Variants in TRIM5 observed in about 807,000 individuals in gnomAD.
TRIM5 encodes the protein tripartite motif-containing protein 5.
In TRIM5, 31 loss-of-function variants were observed where a neutral mutation model predicts 35.6. The observed-to-expected ratio is 0.87, with a 90% CI of 0.65 to 1.18. The LOEUF (loss-of-function observed/expected upper bound fraction) is 1.18. Among genes scored for constraint, TRIM5 ranks in the 50% most tolerant of loss-of-function variants. TRIM5 has a pLI of 0.00. For missense variants in TRIM5, 609 were observed against 591.6 expected, an observed-to-expected ratio of 1.03 and a Z score of -0.31; for synonymous variants, 243 against 215.6, an observed-to-expected ratio of 1.13 and a Z score of -1.11.
intron 1 of TRIM5, among the ~76,000 whole-genome samples, chr11:5,682,750 G>A (rs1590288677): frequency 6.6e-6 from 1 of 152,344 alleles, no homozygotes; most frequent in East Asian, 1.9e-4. Context: ...ACCATTTTGT[G>A]TGCCTGGGTT....
At chr11:5,608,480 CAG>C in the TRIM5 span, 6 of 1,585,356 alleles carry the variant, frequency 3.8e-6, no homozygotes, top group Admixed American at 1.1e-4. Flanking sequence ...GAAGAAGAAT[CAG>C]AGTGGGGAAG....
chr11:5,635,428 T>A, the TRIM5 span, among the ~76,000 whole-genome samples: 1 of 151,970 alleles, frequency 6.6e-6, no homozygotes, highest in South Asian at 2.1e-4. Flanking sequence ...CTAATTTTTT[T>A]TGTATTTTTA....
At chr11:5,657,501 T>C in the TRIM5 span, among the ~76,000 whole-genome samples, 1 of 137,922 alleles carries the variant, frequency 7.3e-6, no homozygotes, top group Non-Finnish European at 1.5e-5. Context: ...ATATATATAT[T>C]TATATATTAT....
downstream of TRIM5, among the ~76,000 whole-genome samples, chr11:5,661,022 A>C (rs181773518): frequency 3.4e-3 from 408 of 119,508 alleles, 1 homozygote; most frequent in African/African-American, 0.013. Flanking sequence ...AGCCTGGGCG[A>C]CAGAGAGAGA....
At chr11:5,666,554 G>C (rs1015843173) in intron 5 of TRIM5, among the ~76,000 whole-genome samples, 4 of 152,190 alleles carry the variant, frequency 2.6e-5, no homozygotes, top group Non-Finnish European at 5.9e-5. Context: ...CATATCAAGA[G>C]AGGAATCCTG....
chr11:5,678,046 C>A, intron 4 of TRIM5, 158 bp downstream of exon 4: 2 of 629,324 alleles, frequency 3.2e-6, no homozygotes, highest in Non-Finnish European at 5.1e-6. Context: ...TCTCTTGCTA[C>A]TTCTACATTC....
At chr11:5,634,873 C>G in the TRIM5 span, 187 of 1,608,378 alleles carry the variant, frequency 1.2e-4, 1 homozygote, top group African/African-American at 2.0e-3. Flanking sequence ...TAAGAAGGTT[C>G]GCTCAATCTG....
the TRIM5 span, among the ~76,000 whole-genome samples, chr11:5,627,316 G>T: frequency 2.6e-5 from 4 of 152,044 alleles, no homozygotes; most frequent in Non-Finnish European, 5.9e-5. Flanking sequence ...GCAAGCAGAG[G>T]TTGCAGTGAG....
the TRIM5 span, among the ~76,000 whole-genome samples, chr11:5,653,994 C>A: frequency 6.6e-6 from 1 of 152,040 alleles, no homozygotes; most frequent in Non-Finnish European, 1.5e-5. Flanking sequence ...TCACTTCTAA[C>A]ATTTCTGTTT....
At chr11:5,647,709 G>A in the TRIM5 span, among the ~76,000 whole-genome samples, 5 of 152,166 alleles carry the variant, frequency 3.3e-5, no homozygotes, top group Non-Finnish European at 5.9e-5. Flanking sequence ...TTTTAGTAAA[G>A]AGGGGATTTC....
downstream of TRIM5, chr11:5,663,120 G>T (rs1026462827): frequency 2.7e-5 from 15 of 553,856 alleles, no homozygotes; most frequent in Non-Finnish European, 3.3e-5. Flanking sequence ...GACAAACCCT[G>T]TCTCAAAACA....
At chr11:5,676,755 A>C (rs1246610836) in intron 4 of TRIM5, among the ~76,000 whole-genome samples, 6 of 150,386 alleles carry the variant, frequency 4.0e-5, no homozygotes, top group Non-Finnish European at 7.4e-5. Context: ...CAAAACAGAG[A>C]TATAGATCAA....
the TRIM5 span, among the ~76,000 whole-genome samples, chr11:5,621,731 A>T: frequency 6.6e-6 from 1 of 152,196 alleles, no homozygotes; most frequent in Non-Finnish European, 1.5e-5. Flanking sequence ...CCCTCTGCTC[A>T]CTGACATAAA....
At chr11:5,616,043 C>T in the TRIM5 span, among the ~76,000 whole-genome samples, 3 of 148,804 alleles carry the variant, frequency 2.0e-5, no homozygotes, top group Admixed American at 6.7e-5. Context: ...CTCCGCCTCC[C>T]GGGTTCACGC....
chr11:5,614,318 C>T, the TRIM5 span, among the ~76,000 whole-genome samples: 3 of 152,068 alleles, frequency 2.0e-5, no homozygotes, highest in African/African-American at 7.2e-5. Context: ...CTTGCTGTAC[C>T]CCAGAATGGT....
rs1181342316 is a variant in TRIM5, at chr11:5,664,656, TTA to T, written c.*151_*152del. On this transcript the variant is annotated 3_prime_UTR_variant, in exon 8 of 8. Coordinates refer to ENST00000380034, the MANE Select transcript of TRIM5 (RefSeq NM_033034.3). ...TTGGGGACAATATGGCACAAGGCAA[TTA>T]TTACATTTTACTGATGAGTGAAGGA... The T allele has an allele frequency of 2.3e-5, 32 of 1,392,614 alleles. No individual in the cohort carries two copies. Among genetic ancestry groups the T allele is most frequent in the Non-Finnish European group, 3.0e-5 (32 of 1,078,162 alleles). 86.3% of individuals were successfully genotyped at this position (1,392,614 alleles called of 1,614,324 possible).
chr11:5,678,432 A>T lies in TRIM5; in HGVS notation c.516T>A (p.Thr172=). 1.3e-6 allele frequency: 2 copies of T among 1,537,546 alleles called. No individual in the cohort carries two copies. Among genetic ancestry groups the T allele is most frequent in the Non-Finnish European group, 1.8e-6 (2 of 1,136,652 alleles). Residue 172 remains threonine (T), a splice_region_variant and synonymous_variant, in exon 4 of 8, where the codon ACT becomes ACA. Coordinates refer to ENST00000380034, the MANE Select transcript of TRIM5 (RefSeq NM_033034.3). ...DIREEKASWK[T]QIQYDKTNVL... ...CGTTGGTTTTGTCATACTGTATTTG[A>T]GTCTTCAGAGATAAGAGAAGAGAAA... is the stretch of plus-strand genomic sequence containing the variant.
At chr11:5,618,677 TTAATC>T in the TRIM5 span, among the ~76,000 whole-genome samples, 1 of 152,236 alleles carries the variant, frequency 6.6e-6, no homozygotes, top group Admixed American at 6.5e-5. Context: ...TGCATATTGA[TTAATC>T]TACTATAAAA....
chr11:5,594,198 C>T, the TRIM5 span, among the ~76,000 whole-genome samples: 1 of 152,198 alleles, frequency 6.6e-6, no homozygotes, highest in African/African-American at 2.4e-5. Context: ...TCAGAATGCC[C>T]AATCTCCCTG....
Sources: allele counts gnomAD v4.1 joint callset (sites outside exome capture counted in the v4.1 genomes callset), GRCh38; gene constraint gnomAD v4.1.1; transcripts MANE v1.5; gene names NCBI Gene and HGNC (gene_info 2026-07-23, HGNC 2026-07-21).